The following SYNE1 variants were observed in gnomAD, a reference collection of about 807,000 sequenced individuals.
SYNE1 encodes spectrin repeat containing nuclear envelope protein 1.
Under a neutral mutation model 1,111.0 loss-of-function variants are expected in SYNE1, and 616 were observed. The observed-to-expected ratio is 0.55, with a 90% confidence interval of 0.52 to 0.59. SYNE1 has a LOEUF of 0.59. Among genes scored for constraint, SYNE1 ranks in the 20% least tolerant of loss-of-function variants. SYNE1 has a pLI of 0.00. For missense variants in SYNE1, 10,006 were observed against 10,417.0 expected, an observed-to-expected ratio of 0.96 and a Z score of 1.72; for synonymous variants, 3,855 against 3,825.8, an observed-to-expected ratio of 1.01 and a Z score of -0.28.
chr6:152,414,840 C>G (rs1403707941), intron 41 of SYNE1, among the ~76,000 whole-genome samples: 2 of 94,854 alleles, frequency 2.1e-5, no homozygotes, highest in East Asian at 1.0e-3. Flanking sequence ...ACACTAGGCA[C>G]CTTGTTCTCT....
At chr6:152,445,054 G>C (rs917990492) in intron 29 of SYNE1, among the ~76,000 whole-genome samples, 1 of 151,826 alleles carries the variant, frequency 6.6e-6, no homozygotes, top group Non-Finnish European at 1.5e-5. Flanking sequence ...GGGGCTTGCA[G>C]GTTTTATTCG....
intron 56 of SYNE1, among the ~76,000 whole-genome samples, chr6:152,377,913 A>G (rs1298179160): frequency 6.6e-6 from 1 of 152,030 alleles, no homozygotes; most frequent in African/African-American, 2.4e-5. Flanking sequence ...AGAGCTCACA[A>G]TTTAATAGAT....
At position 152,381,242 on chromosome 6, in the gene SYNE1, C is replaced by A. The variant is rs1043548630; in HGVS notation, c.8773G>T (p.Ala2925Ser). The change falls in exon 56 of 146, where the codon GCC becomes TCC. Residue 2925 changes from alanine (A) to serine (S), a missense_variant. Coordinates refer to ENST00000367255, the MANE Select transcript of SYNE1 (RefSeq NM_182961.4). Reference sequence around the variant, plus strand: ...CACTGCTTCCAGTCGGCACGCAGGGCCTGCATCTCCGTGTGCATGAGCTCA... The same window carrying A: ...CACTGCTTCCAGTCGGCACGCAGGGACTGCATCTCCGTGTGCATGAGCTCA... ...GCELMHTEMQ[A>S]LRADWKQWED... The A allele has an allele frequency of 6.2e-7, 1 of 1,614,230 alleles. No homozygotes were observed. Among genetic ancestry groups the A allele is most frequent in the African/African-American group, 1.3e-5 (1 of 75,056 alleles).
intron 5 of SYNE1, among the ~76,000 whole-genome samples, chr6:152,525,808 T>G (rs1181456516): frequency 2.6e-5 from 4 of 152,202 alleles, no homozygotes; most frequent in Admixed American, 2.6e-4. Context: ...GTTAATCATG[T>G]TAAGTTACTG....
In SYNE1 at chr6:152,381,594, CAG is replaced by C. The variant is rs146152244; in HGVS notation, c.8653-234_8653-233del. The C allele has an allele frequency of 3.8e-3, 2,199 of 576,964 alleles. 4 individuals are homozygous for C. The highest frequency in any genetic ancestry group is 5.7e-3 in the Non-Finnish European group (1,846 of 323,316). The allele number at this position is 576,964 out of a possible 1,614,324, so 35.7% of individuals were successfully genotyped here. On this transcript the variant is annotated intron_variant, in intron 55 of 145. Transcript: ENST00000367255. Reference sequence around the variant, plus strand: ...CCCGAGAATCCTCAATATCCTGAAACAGACTAAACAGAGACCCTGAAATCAGG... The same window carrying C: ...CCCGAGAATCCTCAATATCCTGAAACACTAAACAGAGACCCTGAAATCAGG...
intron 130 of SYNE1, among the ~76,000 whole-genome samples, chr6:152,175,412 A>G (rs1466098973): frequency 6.6e-6 from 1 of 152,196 alleles, no homozygotes; most frequent in Non-Finnish European, 1.5e-5. Context: ...ACATTGTTTC[A>G]CGTCCACTTT....
rs1056708647 is a variant in SYNE1, at chr6:152,369,630, T to C, written c.9508-16A>G. 2 of 1,613,920 alleles carry C rather than the reference T, an allele frequency of 1.2e-6. No individual in the cohort carries two copies. The highest frequency in any genetic ancestry group is 1.7e-6 in the Non-Finnish European group (2 of 1,179,982). Reference sequence around the variant, plus strand: ...TCTTTAGATTCTGCAAGGTTTTAGATAGTGTCCAGGACAAGAAAATATTTT... The same window carrying C: ...TCTTTAGATTCTGCAAGGTTTTAGACAGTGTCCAGGACAAGAAAATATTTT... On this transcript the variant is annotated splice_polypyrimidine_tract_variant and intron_variant, in intron 59 of 145. Transcript: ENST00000367255.
intron 100 of SYNE1, among the ~76,000 whole-genome samples, chr6:152,264,206 CAAAAAAAA>C (rs56714685): frequency 1.1e-4 from 5 of 45,896 alleles, no homozygotes; most frequent in African/African-American, 2.7e-4. Flanking sequence ...GACTCCATCT[CAAAAAAAA>C]AAAAAAAAAA....
At chr6:152,465,055 G>T (rs2098756317) in intron 18 of SYNE1, 1 of 614,882 alleles carries the variant, frequency 1.6e-6, no homozygotes, top group Non-Finnish European at 2.9e-6. Context: ...CTGCCCATTG[G>T]ATTTACTCAA....
In SYNE1 at chr6:152,413,589, C is replaced by A. The variant is rs995550867; in HGVS notation, c.6051-58G>T. The A allele has an allele frequency of 1.3e-5, 21 of 1,564,880 alleles. No individual in the cohort carries two copies. In the African/African-American group the frequency reaches 2.3e-4, roughly 17 times the overall value. On this transcript the variant is annotated intron_variant, in intron 41 of 145. Transcript: ENST00000367255. ...TACTAAAGGTAGTAAATGAATATTTCTTCTCCGTAAGTATATGATGAGTCC... is the reference window on the plus strand; with the variant it reads ...TACTAAAGGTAGTAAATGAATATTTATTCTCCGTAAGTATATGATGAGTCC...
intron 64 of SYNE1, 140 bp downstream of exon 64, chr6:152,362,030 T>G: frequency 8.6e-7 from 1 of 1,168,886 alleles, no homozygotes; most frequent in Non-Finnish European, 1.2e-6. Flanking sequence ...TAAGAAGCCT[T>G]TAGAGATTAT....
intron 128 of SYNE1, among the ~76,000 whole-genome samples, chr6:152,184,028 T>A (rs1469970234): frequency 6.6e-6 from 1 of 152,216 alleles, no homozygotes; most frequent in African/African-American, 2.4e-5. Flanking sequence ...TTATGTTTGC[T>A]CCAAAAATTC....
In SYNE1 at chr6:152,401,233, A is replaced by G. The variant is rs138004884; in HGVS notation, c.6934T>C (p.Phe2312Leu). Reference protein sequence around the residue: ...FTAQSTQVEKFINDITTWFTK... With the variant: ...FTAQSTQVEKLINDITTWFTK... ...AACCATGTTGTTATGTCATTAATAAACTTCTCCACTTGTGTACTTTGAGCC... is the reference window on the plus strand; with the variant it reads ...AACCATGTTGTTATGTCATTAATAAGCTTCTCCACTTGTGTACTTTGAGCC... The change falls in exon 47 of 146, where the codon TTT becomes CTT. Residue 2312 changes from phenylalanine to leucine, a missense_variant. Phe to Leu is a conservative substitution (Grantham distance 22). Transcript: ENST00000367255. 1.0e-3 allele frequency: 1,629 copies of G among 1,614,022 alleles called. 3 individuals are homozygous for G. The highest frequency in any genetic ancestry group is 9.2e-4 in the Non-Finnish European group (1,087 of 1,179,986).
chr6:152,130,846 A>G (rs1429624669), intron 144 of SYNE1, 68 bp from the exon 145 acceptor site: 4 of 1,520,908 alleles, frequency 2.6e-6, no homozygotes, highest in Non-Finnish European at 3.6e-6. Flanking sequence ...ACAAGCTACT[A>G]ATGAAAATTA....
chr6:152,413,290 T>A (rs995320337), intron 42 of SYNE1, 62 bp downstream of exon 42: 2 of 1,546,552 alleles, frequency 1.3e-6, no homozygotes, highest in Non-Finnish European at 1.8e-6. Flanking sequence ...AAACAGGCAA[T>A]GTCCCAATGT....
chr6:152,271,117 C>T (rs1291960754), intron 98 of SYNE1, among the ~76,000 whole-genome samples: 1 of 152,142 alleles, frequency 6.6e-6, no homozygotes, highest in East Asian at 1.9e-4. Flanking sequence ...TGGGACCCAG[C>T]CATTCCAGCT....
intron 24 of SYNE1, 101 bp from the exon 25 acceptor site, chr6:152,453,821 T>A (rs1302557730): frequency 1.3e-6 from 2 of 1,482,926 alleles, no homozygotes; most frequent in African/African-American, 2.8e-5. Flanking sequence ...CTCAGCCAGC[T>A]GCTGCCCTCT....
intron 6 of SYNE1, among the ~76,000 whole-genome samples, chr6:152,519,064 C>A (rs190929732): frequency 4.6e-4 from 70 of 151,914 alleles, no homozygotes; most frequent in African/African-American, 1.6e-3. Flanking sequence ...GTGCAGCACA[C>A]CAACATGGCA....
intron 130 of SYNE1, among the ~76,000 whole-genome samples, chr6:152,167,442 T>C (rs17082275): frequency 0.1 from 15,180 of 152,204 alleles, 884 homozygotes; most frequent in Admixed American, 0.16. Context: ...TGAGGGATGA[T>C]ACAGTAAAGA....
Sources: allele counts gnomAD v4.1 joint callset (sites outside exome capture counted in the v4.1 genomes callset), GRCh38; gene constraint gnomAD v4.1.1; transcripts MANE v1.5; gene names NCBI Gene and HGNC (gene_info 2026-07-23, HGNC 2026-07-21).